The following PRKD1 variants were observed in gnomAD, a reference collection of about 807,000 sequenced individuals.
PRKD1 encodes serine/threonine-protein kinase D1.
Under a neutral mutation model 95.9 loss-of-function variants are expected in PRKD1, and 63 were observed. The observed-to-expected ratio is 0.66, with a 90% CI of 0.54 to 0.81. The LOEUF is 0.81. Among genes scored for constraint, PRKD1 ranks in the 30% least tolerant of loss-of-function variants. The probability of loss-of-function intolerance (pLI) is 0.00; values close to 1 mark genes in which losing one functional copy is unlikely to be tolerated. For synonymous variants in PRKD1, 425 were observed against 423.1 expected (o/e 1.00, Z -0.05); for missense variants, 1,048 against 1,165.3 (o/e 0.90, Z 1.47).
rs1031478624 is a variant in PRKD1 at position 29,892,350 on chromosome 14, A to G, written c.264+34899T>C. 7.9e-5 allele frequency among the ~76,000 whole-genome samples: 12 copies of G among 152,110 alleles called. 1 individual carries two copies. Among genetic ancestry groups the G allele is most frequent in the Admixed American group, 5.9e-4 (9 of 15,280 alleles). On this transcript the variant is annotated intron_variant, in intron 1 of 17. Coordinates refer to ENST00000331968, the MANE Select transcript of PRKD1 (RefSeq NM_002742.3). ...CTCAAGTTTTCCAAATATATTAGCC[A>G]AATGGTTGAGGAAGTTTCTCTTTGT...
At chr14:29,631,427 T>A (rs1879998396) in intron 9 of PRKD1, among the ~76,000 whole-genome samples, 1 of 152,146 alleles carries the variant, frequency 6.6e-6, no homozygotes, top group East Asian at 1.9e-4. Context: ...AGGCACTCAA[T>A]ACATGTTAAT....
intron 1 of PRKD1, among the ~76,000 whole-genome samples, chr14:29,750,685 T>C (rs1887441845): frequency 6.6e-6 from 1 of 151,898 alleles, no homozygotes; most frequent in Admixed American, 6.6e-5. Flanking sequence ...ATTCACCTAA[T>C]GTGCACATCT....
chr14:29,782,283 C>T (rs1889081403), intron 1 of PRKD1, among the ~76,000 whole-genome samples: 2 of 152,128 alleles, frequency 1.3e-5, no homozygotes, highest in Non-Finnish European at 2.9e-5. Flanking sequence ...AAGTTCCGGT[C>T]TGACTCACAA....
chr14:29,616,877 G>A (rs1467526615), intron 13 of PRKD1, among the ~76,000 whole-genome samples: 1 of 152,090 alleles, frequency 6.6e-6, no homozygotes, highest in Admixed American at 6.6e-5. Flanking sequence ...TAGGGGTTTG[G>A]TATACACTTG....
chr14:29,910,863 T>C (rs1894684278), intron 1 of PRKD1, among the ~76,000 whole-genome samples: 1 of 152,162 alleles, frequency 6.6e-6, no homozygotes, highest in African/African-American at 2.4e-5. Flanking sequence ...TTGGTGTTTG[T>C]GCAACTTTAA....
intron 1 of PRKD1, among the ~76,000 whole-genome samples, chr14:29,899,603 C>T (rs1004618823): frequency 2.0e-5 from 3 of 152,258 alleles, no homozygotes; most frequent in Admixed American, 6.5e-5. Context: ...GCTGAAATCA[C>T]GCCACTGCAC....
At chr14:29,693,627 C>CAAA (rs772835816) in intron 2 of PRKD1, among the ~76,000 whole-genome samples, 7,215 of 81,220 alleles carry the variant, frequency 0.089, 453 homozygotes, top group African/African-American at 0.24. Context: ...TGACCTCAGT[C>CAAA]AAAAAAAAAA....
At chr14:29,719,557 G>A (rs1257410073) in intron 2 of PRKD1, among the ~76,000 whole-genome samples, 2 of 152,142 alleles carry the variant, frequency 1.3e-5, no homozygotes, top group East Asian at 3.8e-4. Flanking sequence ...GGTATTAATA[G>A]TGACTGAACA....
intron 1 of PRKD1, among the ~76,000 whole-genome samples, chr14:29,885,803 C>CAAAAAAA (rs1893682107): frequency 2.2e-5 from 1 of 45,028 alleles, no homozygotes; most frequent in Non-Finnish European, 4.4e-5. Context: ...CCCATCTTTA[C>CAAAAAAA]TAAAAAAAAA....
chr14:29,724,499 G>T (rs1376142226), intron 2 of PRKD1, among the ~76,000 whole-genome samples: 1 of 151,950 alleles, frequency 6.6e-6, no homozygotes, highest in Non-Finnish European at 1.5e-5. Context: ...TGTTTTATAG[G>T]ATCCATCTAC....
chr14:29,921,498 C>T (rs982472475), intron 1 of PRKD1, among the ~76,000 whole-genome samples: 1 of 152,052 alleles, frequency 6.6e-6, no homozygotes, highest in Admixed American at 6.6e-5. Context: ...ATTTACAAAG[C>T]AGTATGTATG....
intron 1 of PRKD1, among the ~76,000 whole-genome samples, chr14:29,768,111 C>T (rs1052715571): frequency 1.3e-5 from 2 of 152,170 alleles, no homozygotes; most frequent in South Asian, 2.1e-4. Flanking sequence ...CAACATATCA[C>T]TAGAAACCTC....
In PRKD1 at chr14:29,638,755, T is replaced by A. The variant is rs749964144; in HGVS notation, c.846A>T (p.Thr282=). The A allele has an allele frequency of 6.2e-7, 1 of 1,614,100 alleles. No individual in the cohort carries two copies. The highest frequency in any genetic ancestry group is 1.7e-5 in the Admixed American group (1 of 60,012). ...TFVIHSYTRP[T]VCQYCKKLLK... is the part of the protein sequence containing the mutation. ...GAAGCTTCTTGCAGTACTGGCACAC[T>A]GTGGGCCGGGTGTAGGAGTGGATGA... The change falls in exon 5 of 18, where the codon ACA becomes ACT. Residue 282 remains threonine (T), a synonymous_variant. Transcript: ENST00000331968.
chr14:29,644,384 C>A (rs1880990075), intron 4 of PRKD1, among the ~76,000 whole-genome samples: 1 of 152,158 alleles, frequency 6.6e-6, no homozygotes, highest in African/African-American at 2.4e-5. Context: ...TGGCCCTCAG[C>A]ATCAAGGATG....
chr14:29,779,323 A>G (rs902780711), intron 1 of PRKD1, among the ~76,000 whole-genome samples: 2 of 152,202 alleles, frequency 1.3e-5, no homozygotes, highest in African/African-American at 4.8e-5. Context: ...AGAGTATTCA[A>G]TTAGGAAAAG....
chr14:29,897,809 A>G (rs997711166), intron 1 of PRKD1, among the ~76,000 whole-genome samples: 8 of 152,118 alleles, frequency 5.3e-5, no homozygotes, highest in African/African-American at 1.7e-4. Flanking sequence ...TTTTCAAAAG[A>G]AAGTTCTTTT....
intron 1 of PRKD1, among the ~76,000 whole-genome samples, chr14:29,925,618 C>CCCATTCTGAACCTCT (rs1895269688): frequency 6.6e-6 from 1 of 151,754 alleles, no homozygotes; most frequent in Admixed American, 6.6e-5. Context: ...CATCAGTCTC[C>CCCATTCTGAACCTCT]CCATTCTGAA....
At chr14:29,579,353 C>A (rs979584813) in intron 16 of PRKD1, among the ~76,000 whole-genome samples, 1 of 152,094 alleles carries the variant, frequency 6.6e-6, no homozygotes, top group Middle Eastern at 3.4e-3. Context: ...AATCTGCCAA[C>A]CTAATAGGAA....
chr14:29,632,402 G>A (rs1880064609), intron 9 of PRKD1, among the ~76,000 whole-genome samples: 1 of 151,732 alleles, frequency 6.6e-6, no homozygotes, highest in South Asian at 2.1e-4. Context: ...TTAATGTAGA[G>A]GGACAGAATA....
Sources: allele counts gnomAD v4.1 joint callset (sites outside exome capture counted in the v4.1 genomes callset), GRCh38; gene constraint gnomAD v4.1.1; transcripts MANE v1.5; gene names NCBI Gene and HGNC (gene_info 2026-07-23, HGNC 2026-07-21).